Variants in MPDZ observed in about 807,000 individuals in gnomAD.
MPDZ encodes the protein multiple PDZ domain crumbs cell polarity complex component.
A neutral mutation model predicts 239.1 loss-of-function variants in MPDZ; 234 were observed. The ratio of observed to expected loss-of-function variants is 0.98; its 90% CI spans 0.88 to 1.09. The LOEUF is 1.09. MPDZ is among the 50% of genes least tolerant of loss of function. MPDZ has a pLI of 0.00. For missense variants in MPDZ, 3,175 were observed against 2,510.0 expected (o/e 1.26, Z -5.66); for synonymous variants, 1,048 against 881.3 (o/e 1.19, Z -3.35).
intron 34 of MPDZ, among the ~76,000 whole-genome samples, chr9:13,126,189 T>C (rs973660733): frequency 2.0e-5 from 3 of 152,204 alleles, no homozygotes; most frequent in Non-Finnish European, 4.4e-5. Flanking sequence ...ACAATGGATA[T>C]TTATAACAGC....
At chr9:13,162,146 C>A (rs1346251964) in intron 23 of MPDZ, among the ~76,000 whole-genome samples, 1 of 151,974 alleles carries the variant, frequency 6.6e-6, no homozygotes, top group Non-Finnish European at 1.5e-5. Context: ...CACCTATAAT[C>A]CCAGCTACCT....
intron 1 of MPDZ, among the ~76,000 whole-genome samples, chr9:13,268,160 A>ATATG: frequency 6.6e-6 from 1 of 150,860 alleles, no homozygotes; most frequent in Admixed American, 6.6e-5. Flanking sequence ...AATTATATAT[A>ATATG]TATATATATA....
chr9:13,107,356 A>G (rs1475624142), intron 46 of MPDZ, among the ~76,000 whole-genome samples: 1 of 152,162 alleles, frequency 6.6e-6, no homozygotes. Context: ...GATCAGTTGG[A>G]TGGGTTTTTG....
At chr9:13,137,538 C>A (rs917246711) in intron 29 of MPDZ, among the ~76,000 whole-genome samples, 2 of 152,234 alleles carry the variant, frequency 1.3e-5, no homozygotes, top group African/African-American at 4.8e-5. Context: ...TGTTCTTTAG[C>A]CTTAACCTTG....
At chr9:13,229,496 C>T (rs1398373246) in intron 3 of MPDZ, among the ~76,000 whole-genome samples, 1 of 150,276 alleles carries the variant, frequency 6.7e-6, no homozygotes, top group Admixed American at 6.7e-5. Context: ...CAATAAAGGT[C>T]AGATGTTAAC....
intron 46 of MPDZ, 41 bp from the exon 47 acceptor site, chr9:13,107,152 G>C: frequency 6.6e-7 from 1 of 1,525,224 alleles, no homozygotes; most frequent in Non-Finnish European, 8.9e-7. Context: ...CTCAAAAAAT[G>C]CTGCCTTGCA....
chr9:13,254,301 T>A (rs1968866539), intron 1 of MPDZ, among the ~76,000 whole-genome samples: 1 of 152,216 alleles, frequency 6.6e-6, no homozygotes, highest in Admixed American at 6.5e-5. Flanking sequence ...TATGTAATGT[T>A]AATGTCCATA....
chr9:13,204,299 T>C (rs997659460), intron 12 of MPDZ, among the ~76,000 whole-genome samples: 2 of 152,068 alleles, frequency 1.3e-5, no homozygotes, highest in African/African-American at 4.8e-5. Flanking sequence ...ATTAAAATAA[T>C]GCTACTGGCC....
chr9:13,132,693 A>G (rs978136033), intron 32 of MPDZ, among the ~76,000 whole-genome samples: 4 of 152,178 alleles, frequency 2.6e-5, no homozygotes, highest in Non-Finnish European at 4.4e-5. Context: ...AATTTTCACA[A>G]TATATACTTA....
intron 3 of MPDZ, among the ~76,000 whole-genome samples, chr9:13,236,181 G>A (rs909175066): frequency 7.1e-6 from 1 of 140,216 alleles, no homozygotes; most frequent in Non-Finnish European, 1.5e-5. Flanking sequence ...TTTTGTGTGT[G>A]TGTGTTTCTG....
chr9:13,183,865 C>T (rs1342778923), intron 18 of MPDZ, among the ~76,000 whole-genome samples: 1 of 151,948 alleles, frequency 6.6e-6, no homozygotes, highest in South Asian at 2.1e-4. Context: ...TATGTTTAAA[C>T]AGTTCCATAG....
intron 3 of MPDZ, among the ~76,000 whole-genome samples, chr9:13,243,360 T>C (rs1046687425): frequency 4.0e-5 from 6 of 151,312 alleles, no homozygotes; most frequent in African/African-American, 1.2e-4. Context: ...TTCAGTTCTA[T>C]CTCTTTTTTT....
chr9:13,121,267 C>G (rs1431361501), intron 38 of MPDZ, among the ~76,000 whole-genome samples: 1 of 152,066 alleles, frequency 6.6e-6, no homozygotes, highest in African/African-American at 2.4e-5. Flanking sequence ...GCTCAGACAC[C>G]TTTTTTCTTG....
chr9:13,244,722 C>T lies in MPDZ; in HGVS notation c.183+2913G>A, dbSNP rs149831340. On this transcript the variant is annotated intron_variant, in intron 3 of 46. Transcript: ENST00000319217. The stretch of plus-strand genomic sequence containing the variant: ...TTGATTTCTAAGGGCAGTCTTAATA[C>T]TGAAGAAGCAAATTGAAAAAATTAA... 7.9e-5 allele frequency among the ~76,000 whole-genome samples: 12 copies of T among 151,980 alleles called. No individual in the cohort carries two copies. The East Asian group carries it at 2.3e-3, about 29-fold the overall frequency.
At chr9:13,146,135 AATT>A (rs148400135) in intron 26 of MPDZ, among the ~76,000 whole-genome samples, 89 of 152,180 alleles carry the variant, frequency 5.8e-4, no homozygotes, top group Non-Finnish European at 1.0e-3. Flanking sequence ...CTGAATGGAT[AATT>A]ATTACCTAAC....
chr9:13,277,492 C>T (rs1244952958), intron 1 of MPDZ, among the ~76,000 whole-genome samples: 4 of 152,100 alleles, frequency 2.6e-5, no homozygotes, highest in Non-Finnish European at 5.9e-5. Context: ...CAGGTGCCTC[C>T]ATCCAAAGCT....
chr9:13,239,147 A>G (rs1457655890), intron 3 of MPDZ, among the ~76,000 whole-genome samples: 1 of 152,178 alleles, frequency 6.6e-6, no homozygotes, highest in South Asian at 2.1e-4. Flanking sequence ...CCAGAATACA[A>G]ATCTGGATCA....
chr9:13,219,613 G>A lies in MPDZ; in HGVS notation c.1032C>T (p.Pro344=). Residue 344 remains proline, a synonymous_variant, in exon 8 of 47, where the codon CCC becomes CCT. Coordinates refer to ENST00000319217, the MANE Select transcript of MPDZ (RefSeq NM_001378778.1). ...AGGAGAGGGTGATGCCCAAAGCAGT[G>A]GGTGCTGTACGTTCTTCTATGGCAC... is the stretch of plus-strand genomic sequence containing the variant. ...ARGAIEERTA[P]TALGITLSSS... 1.2e-6 allele frequency: 2 copies of A among 1,612,332 alleles called. No individual in the cohort carries two copies. Among genetic ancestry groups the A allele is most frequent in the Non-Finnish European group, 1.7e-6 (2 of 1,179,040 alleles).
In MPDZ at chr9:13,110,733, T is replaced by A. The variant is rs1442307344; in HGVS notation, c.5732A>T (p.Asp1911Val). 3 of 1,612,550 alleles carry A rather than the reference T, an allele frequency of 1.9e-6. No homozygotes were observed. The highest frequency in any genetic ancestry group is 2.5e-6 in the Non-Finnish European group (3 of 1,179,304). The change falls in exon 44 of 47, where the codon GAT becomes GTT. Residue 1911 changes from aspartate to valine, a missense_variant. Asp to Val is a radical substitution (Grantham distance 152, BLOSUM62 -3). Transcript: ENST00000319217. The stretch of plus-strand genomic sequence containing the variant: ...TGTGCCACAGATGGTGACAATCCTA[T>A]CCCCAACCTGCAAGGGAGAGAAAGA... ...AAQTQKLRVG[D>V]RIVTICGTST... is the part of the protein sequence containing the mutation.
Sources: gnomAD v4.1 joint callset for allele counts (sites outside exome capture counted in the v4.1 genomes callset) on GRCh38, gnomAD v4.1.1 for gene constraint, MANE v1.5 for transcripts, NCBI Gene and HGNC (gene_info 2026-07-23, HGNC 2026-07-21) for gene names.